The following SPAG16 variants were observed in gnomAD, a reference collection of about 807,000 sequenced individuals.
SPAG16 encodes sperm associated antigen 16.
In SPAG16, 86 loss-of-function variants were observed where a neutral mutation model predicts 80.4. That is an observed-to-expected ratio of 1.07 (90% CI 0.90 to 1.28). SPAG16 has a LOEUF of 1.28. Ranked by LOEUF, SPAG16 falls within the 50% of genes most tolerant of loss-of-function variation. The probability of loss-of-function intolerance (pLI) is 0.00; values close to 1 mark genes in which losing one functional copy is unlikely to be tolerated. For missense variants in SPAG16, 870 were observed against 765.3 expected (o/e 1.14, Z -1.61); for synonymous variants, 294 against 265.9 (o/e 1.11, Z -1.03).
chr2:213,958,614 A>G (rs1197850333), intron 12 of SPAG16, among the ~76,000 whole-genome samples: 1 of 152,178 alleles, frequency 6.6e-6, no homozygotes, highest in Non-Finnish European at 1.5e-5. Context: ...CCAAAATTAT[A>G]TCTTTACATA....
At chr2:213,295,519 A>G (rs539332487) in intron 1 of SPAG16, among the ~76,000 whole-genome samples, 1 of 152,262 alleles carries the variant, frequency 6.6e-6, no homozygotes, top group South Asian at 2.1e-4. Context: ...ATACATGGAA[A>G]AGTAAAATTT....
chr2:214,401,412 T>C (rs1701699971), intron 15 of SPAG16, among the ~76,000 whole-genome samples: 1 of 151,952 alleles, frequency 6.6e-6, no homozygotes, highest in Admixed American at 6.6e-5. Flanking sequence ...TTCCCTGATA[T>C]GTTATTTCAT....
chr2:213,309,141 A>G (rs1347192827), intron 3 of SPAG16, among the ~76,000 whole-genome samples: 2 of 152,116 alleles, frequency 1.3e-5, no homozygotes, highest in Non-Finnish European at 2.9e-5. Flanking sequence ...CTATTGGAGC[A>G]TTTCAGATTT....
At chr2:213,918,011 C>T (rs1029370667) in intron 11 of SPAG16, among the ~76,000 whole-genome samples, 1 of 152,124 alleles carries the variant, frequency 6.6e-6, no homozygotes, top group African/African-American at 2.4e-5. Context: ...GACTTTTCTG[C>T]ATCTATTGAG....
intron 10 of SPAG16, among the ~76,000 whole-genome samples, chr2:213,836,175 C>CT (rs2074062589): frequency 6.7e-5 from 5 of 74,396 alleles, no homozygotes; most frequent in African/African-American, 1.3e-4. Flanking sequence ...TTTCATTATT[C>CT]GCCCCCCCCC....
At chr2:213,609,313 G>A (rs1444251179) in intron 10 of SPAG16, among the ~76,000 whole-genome samples, 1 of 151,066 alleles carries the variant, frequency 6.6e-6, no homozygotes, top group Non-Finnish European at 1.5e-5. Context: ...TGGCTAAATT[G>A]TCTTTGCTTT....
At chr2:214,182,694 A>G (rs1459349978) in intron 15 of SPAG16, among the ~76,000 whole-genome samples, 2 of 151,968 alleles carry the variant, frequency 1.3e-5, no homozygotes, top group Non-Finnish European at 2.9e-5. Context: ...AAATTGGGAT[A>G]AAGACCAAAA....
intron 10 of SPAG16, among the ~76,000 whole-genome samples, chr2:213,778,914 C>A (rs539105483): frequency 6.6e-6 from 1 of 152,284 alleles, no homozygotes; most frequent in Non-Finnish European, 1.5e-5. Context: ...TTCATACTAG[C>A]AATTTCAAAG....
intron 12 of SPAG16, among the ~76,000 whole-genome samples, chr2:213,985,862 C>G (rs1011237478): frequency 6.6e-6 from 1 of 152,002 alleles, no homozygotes; most frequent in Non-Finnish European, 1.5e-5. Context: ...AGAGAAAGAG[C>G]AGAGTTATGC....
At chr2:213,384,164 T>A (rs1215020096) in intron 9 of SPAG16, among the ~76,000 whole-genome samples, 1 of 152,166 alleles carries the variant, frequency 6.6e-6, no homozygotes, top group Non-Finnish European at 1.5e-5. Flanking sequence ...CACATCTACA[T>A]CCTTTGTTTA....
intron 10 of SPAG16, among the ~76,000 whole-genome samples, chr2:213,749,205 G>GCTC (rs2067972446): frequency 6.6e-6 from 1 of 151,770 alleles, no homozygotes; most frequent in South Asian, 2.1e-4. Context: ...AACTTTATTT[G>GCTC]CTCCCACTTA....
At chr2:214,190,328 A>G (rs74838816) in intron 15 of SPAG16, among the ~76,000 whole-genome samples, 1,801 of 152,188 alleles carry the variant, frequency 0.012, 20 homozygotes, top group Admixed American at 0.019. Flanking sequence ...TTTGCTTTGG[A>G]ATTTATATAG....
intron 10 of SPAG16, among the ~76,000 whole-genome samples, chr2:213,580,298 T>G (rs2124846983): frequency 6.6e-6 from 1 of 152,264 alleles, no homozygotes; most frequent in African/African-American, 2.4e-5. Flanking sequence ...TTCATCAAAC[T>G]AAGAATAATA....
chr2:213,907,102 A>C (rs2077463103), intron 11 of SPAG16, among the ~76,000 whole-genome samples: 2 of 152,228 alleles, frequency 1.3e-5, no homozygotes, highest in South Asian at 4.1e-4. Flanking sequence ...AATATTTTCA[A>C]ACTATTCATT....
chr2:213,307,891 T>G (rs2063018940), intron 3 of SPAG16, among the ~76,000 whole-genome samples: 1 of 152,218 alleles, frequency 6.6e-6, no homozygotes, highest in African/African-American at 2.4e-5. Flanking sequence ...TGTATAGCAC[T>G]TTTGGAAAGA....
At chr2:213,902,478 C>G (rs892019693) in intron 11 of SPAG16, among the ~76,000 whole-genome samples, 1 of 152,166 alleles carries the variant, frequency 6.6e-6, no homozygotes, top group Admixed American at 6.6e-5. Context: ...GCAGAAACCC[C>G]TAATAAAACC....
chr2:213,831,352 T>TA (rs1336197989), intron 10 of SPAG16, among the ~76,000 whole-genome samples: 39 of 151,870 alleles, frequency 2.6e-4, no homozygotes, highest in African/African-American at 8.9e-4. Context: ...CATGACTTTT[T>TA]ATCTTTGATT....
At chr2:213,802,857 A>C (rs895013023) in intron 10 of SPAG16, among the ~76,000 whole-genome samples, 10 of 152,100 alleles carry the variant, frequency 6.6e-5, no homozygotes, top group Non-Finnish European at 1.5e-4. Flanking sequence ...CAGAAAAAAA[A>C]AGTAGACTAA....
intron 9 of SPAG16, among the ~76,000 whole-genome samples, chr2:213,397,448 T>A (rs1163196640): frequency 6.6e-6 from 1 of 152,184 alleles, no homozygotes; most frequent in Non-Finnish European, 1.5e-5. Context: ...GTCATCAGAT[T>A]TGCCCACTCA....
Sources: allele counts gnomAD v4.1 joint callset (sites outside exome capture counted in the v4.1 genomes callset), GRCh38; gene constraint gnomAD v4.1.1; transcripts MANE v1.5; gene names NCBI Gene and HGNC (gene_info 2026-07-23, HGNC 2026-07-21).